The following GRM5 variants were observed in gnomAD, a reference collection of about 807,000 sequenced individuals.
GRM5 encodes the protein metabotropic glutamate receptor 5.
Under a neutral mutation model 83.1 loss-of-function variants are expected in GRM5, and 19 were observed. The observed-to-expected ratio is 0.23, with a 90% confidence interval of 0.16 to 0.34. GRM5 has a LOEUF of 0.34. GRM5 is among the 10% of genes least tolerant of loss of function. GRM5 has a pLI of 1.00. For missense variants in GRM5, 1,160 were observed against 1,588.3 expected, an observed-to-expected ratio of 0.73 and a Z score of 4.58; for synonymous variants, 675 against 633.6, an observed-to-expected ratio of 1.07 and a Z score of -0.98.
chr11:88,702,633 T>A (rs1362658115), intron 3 of GRM5, among the ~76,000 whole-genome samples: 1 of 152,128 alleles, frequency 6.6e-6, no homozygotes, highest in African/African-American at 2.4e-5. Context: ...TGTTATGGAC[T>A]GAAATGTGAC....
chr11:88,614,578 C>A (rs565341718), intron 4 of GRM5, among the ~76,000 whole-genome samples: 1 of 152,196 alleles, frequency 6.6e-6, no homozygotes, highest in East Asian at 1.9e-4. Context: ...AATTTTGAGC[C>A]TTTTTAATTT....
At chr11:88,767,544 G>A (rs1322987301) in intron 3 of GRM5, among the ~76,000 whole-genome samples, 1 of 151,888 alleles carries the variant, frequency 6.6e-6, no homozygotes, top group Non-Finnish European at 1.5e-5. Context: ...TGAAGCTGGA[G>A]GTCATTATCC....
chr11:88,705,006 A>G (rs1023051511), intron 3 of GRM5, among the ~76,000 whole-genome samples: 3 of 152,060 alleles, frequency 2.0e-5, no homozygotes, highest in African/African-American at 2.4e-5. Flanking sequence ...CTCTAGCATC[A>G]GCATAAACAT....
chr11:88,723,596 AG>A (rs1173116607), intron 3 of GRM5, among the ~76,000 whole-genome samples: 3 of 151,978 alleles, frequency 2.0e-5, no homozygotes, highest in Non-Finnish European at 2.9e-5. Flanking sequence ...AAGCTACATG[AG>A]TTCTACAAAA....
In GRM5 at chr11:88,911,384, A is replaced by G. The variant is rs558384281; in HGVS notation, c.662-61229T>C. 4.0e-3 allele frequency among the ~76,000 whole-genome samples: 615 copies of G among 152,266 alleles called. 3 individuals are homozygous for G. The highest frequency in any genetic ancestry group is 0.014 in the African/African-American group (588 of 41,564). On this transcript the variant is annotated intron_variant, in intron 2 of 9. Transcript: ENST00000305447. ...CTGTGTTTCCTGTTCATTTCCTGTG[A>G]AAAATGAATAATTAAATAAGCTAAC... is the stretch of plus-strand genomic sequence containing the variant.
intron 2 of GRM5, among the ~76,000 whole-genome samples, chr11:88,923,402 G>A (rs541988368): frequency 3.3e-5 from 5 of 152,216 alleles, no homozygotes; most frequent in African/African-American, 9.6e-5. Context: ...GTTCAACAGC[G>A]TGGATGGAAC....
At position 88,725,435 on chromosome 11, in the gene GRM5, C is replaced by T. The variant is rs182718195; in HGVS notation, c.912-72032G>A. Among the ~76,000 whole-genome samples, 138 of 152,232 alleles carry T rather than the reference C, an allele frequency of 9.1e-4. No individual in the cohort carries two copies. In the Middle Eastern group the frequency reaches 0.014, roughly 15 times the overall value. ...ATCTCCTTGGGACAGAGCACCTGGG[C>T]GAAGGGGTGACTGTGGGCGCAGCTT... On this transcript the variant is annotated intron_variant, in intron 3 of 9. Transcript: ENST00000305447.
At chr11:88,640,830 C>T (rs1939271199) in intron 4 of GRM5, among the ~76,000 whole-genome samples, 1 of 152,134 alleles carries the variant, frequency 6.6e-6, no homozygotes, top group South Asian at 2.1e-4. Flanking sequence ...GCATCATCCT[C>T]AGGAACCTCC....
intron 3 of GRM5, among the ~76,000 whole-genome samples, chr11:88,757,941 G>A (rs141038778): frequency 5.9e-5 from 9 of 152,078 alleles, no homozygotes; most frequent in Non-Finnish European, 1.2e-4. Flanking sequence ...AGTCAGACTC[G>A]CAAGTCCCCT....
At chr11:88,547,103 G>C (rs1228154125) in intron 8 of GRM5, among the ~76,000 whole-genome samples, 1 of 152,074 alleles carries the variant, frequency 6.6e-6, no homozygotes, top group Non-Finnish European at 1.5e-5. Context: ...ATTAAAAATG[G>C]GTAAATTGAG....
intron 3 of GRM5, among the ~76,000 whole-genome samples, chr11:88,823,562 G>C (rs1943839627): frequency 6.6e-6 from 1 of 151,932 alleles, no homozygotes; most frequent in Non-Finnish European, 1.5e-5. Context: ...TCTGTGAGTG[G>C]GACCTGTCTA....
rs567587172 is a variant in GRM5 at position 88,680,703 on chromosome 11, A to T, written c.912-27300T>A. Among the ~76,000 whole-genome samples, 6 of 152,294 alleles carry T rather than the reference A, an allele frequency of 3.9e-5. No individual in the cohort carries two copies. In the East Asian group the frequency reaches 1.2e-3, roughly 29 times the overall value. On this transcript the variant is annotated intron_variant, in intron 3 of 9. Transcript: ENST00000305447. ...CACGTATGTTATTGTGGCACTATTCACAATAGCAAAGACTTGGAACCAACA... is the reference window on the plus strand; with the variant it reads ...CACGTATGTTATTGTGGCACTATTCTCAATAGCAAAGACTTGGAACCAACA...
chr11:89,006,481 C>T (rs1402521296), intron 2 of GRM5, among the ~76,000 whole-genome samples: 2 of 152,154 alleles, frequency 1.3e-5, no homozygotes, highest in African/African-American at 2.4e-5. Flanking sequence ...GCTGAAGAAC[C>T]TAAATGCACA....
At chr11:88,557,727 C>T (rs561754165) in intron 8 of GRM5, among the ~76,000 whole-genome samples, 26 of 150,752 alleles carry the variant, frequency 1.7e-4, no homozygotes, top group African/African-American at 6.3e-4. Flanking sequence ...GTGTATTCCA[C>T]GGTTTTCACG....
At chr11:88,512,282 A>C (rs1243602746) in intron 9 of GRM5, 1 of 154,402 alleles carries the variant, frequency 6.5e-6, no homozygotes, top group Non-Finnish European at 1.5e-5. Flanking sequence ...AAAGAGCACC[A>C]GACCATCTGA....
At chr11:88,706,675 C>G (rs1395757455) in intron 3 of GRM5, among the ~76,000 whole-genome samples, 3 of 152,042 alleles carry the variant, frequency 2.0e-5, no homozygotes, top group Middle Eastern at 3.2e-3. Flanking sequence ...CCTTATCTAC[C>G]AAATCCTCCC....
rs1316193675 is a variant in GRM5 at position 88,768,692 on chromosome 11, GAA to G, written c.911+81212_911+81213del. 5.9e-5 allele frequency among the ~76,000 whole-genome samples: 9 copies of G among 152,004 alleles called. No individual in the cohort carries two copies. In the East Asian group the frequency reaches 9.7e-4, roughly 16 times the overall value. On this transcript the variant is annotated intron_variant, in intron 3 of 9. Transcript: ENST00000305447. ...AAGGTCATCACACTGGTCCTTATAT[GAA>G]AGAGACAAGAGAGTGAATGGGGAGA...
intron 3 of GRM5, among the ~76,000 whole-genome samples, chr11:88,801,340 G>C (rs1462197362): frequency 6.6e-6 from 1 of 152,134 alleles, no homozygotes; most frequent in Admixed American, 6.6e-5. Flanking sequence ...TGGTGCAAAA[G>C]TAATTGCAGT....
At chr11:88,622,299 G>A (rs940746130) in intron 4 of GRM5, among the ~76,000 whole-genome samples, 7 of 152,138 alleles carry the variant, frequency 4.6e-5, no homozygotes, top group African/African-American at 1.7e-4. Flanking sequence ...TGAGATCCAA[G>A]AGTTAGAATA....
Sources: allele counts gnomAD v4.1 joint callset (sites outside exome capture counted in the v4.1 genomes callset), GRCh38; gene constraint gnomAD v4.1.1; transcripts MANE v1.5; gene names NCBI Gene and HGNC (gene_info 2026-07-23, HGNC 2026-07-21).